The following PUDP variants were observed in gnomAD, a reference collection of about 807,000 sequenced individuals.
PUDP encodes pseudouridine-5'-phosphatase.
In PUDP, 8 loss-of-function variants were observed where a neutral mutation model predicts 9.4. The observed-to-expected ratio is 0.85, with a 90% CI of 0.50 to 1.53. PUDP has a LOEUF of 1.53. PUDP is among the 40% of genes most tolerant of loss of function. PUDP has a pLI of 0.00. For synonymous variants in PUDP, 99 were observed against 80.7 expected (o/e 1.23, Z -1.22); for missense variants, 188 against 189.7 (o/e 0.99, Z 0.05).
At chrX:6,824,669 C>T (rs758935150) in intron 3 of PUDP, among the ~76,000 whole-genome samples, 18 of 111,506 alleles carry the variant, frequency 1.6e-4, no homozygotes, top group Non-Finnish European at 3.0e-4. Flanking sequence ...ACCTTATTGT[C>T]GGGTTGGGTC....
At chrX:6,874,570 A>C (rs1359065392) in intron 3 of PUDP, among the ~76,000 whole-genome samples, 2 of 112,145 alleles carry the variant, frequency 1.8e-5, no homozygotes, top group Non-Finnish European at 3.8e-5. Context: ...TCAAACTGGG[A>C]AACTATAGGC....
At chrX:7,136,530 C>T (rs749295231) in intron 1 of PUDP, among the ~76,000 whole-genome samples, 269 of 112,491 alleles carry the variant, frequency 2.4e-3, no homozygotes, top group Non-Finnish European at 4.3e-3. Flanking sequence ...CCATTCTGTC[C>T]ATATTTATTA....
At chrX:6,928,996 G>C (rs890926169) in intron 3 of PUDP, among the ~76,000 whole-genome samples, 32 of 111,910 alleles carry the variant, frequency 2.9e-4, no homozygotes, top group African/African-American at 1.0e-3. Flanking sequence ...AGTTTGCAAA[G>C]CATGGTCCTA....
chrX:6,981,392 T>C (rs1929030715), intron 1 of PUDP, among the ~76,000 whole-genome samples: 1 of 111,965 alleles, frequency 8.9e-6, no homozygotes, highest in Non-Finnish European at 1.9e-5. Context: ...ACTTTCTCTA[T>C]ATACTTATTG....
In PUDP at chrX:7,075,471, C is replaced by T. The variant is rs192403652; in HGVS notation, c.510+1749G>A. Reference sequence around the variant, plus strand: ...AGTGAGCCGAGATCATGCCACTGCACTCCAACCTGGGCAACAGAACGAGAC... The same window carrying T: ...AGTGAGCCGAGATCATGCCACTGCATTCCAACCTGGGCAACAGAACGAGAC... On this transcript the variant is annotated intron_variant, in intron 3 of 3. Coordinates refer to ENST00000381077, the MANE Select transcript of PUDP (RefSeq NM_012080.5). 3.7e-4 allele frequency among the ~76,000 whole-genome samples: 41 copies of T among 110,966 alleles called. No homozygotes were observed. In the Middle Eastern group the frequency reaches 0.014, roughly 37 times the overall value.
At chrX:6,869,549 T>C (rs1237985099) in intron 3 of PUDP, among the ~76,000 whole-genome samples, 3 of 111,613 alleles carry the variant, frequency 2.7e-5, no homozygotes, top group South Asian at 3.8e-4. Flanking sequence ...CTGTGGTGAA[T>C]TGAAATTCCA....
intron 3 of PUDP, among the ~76,000 whole-genome samples, chrX:6,752,930 G>C (rs1468528608): frequency 1.8e-5 from 2 of 111,589 alleles, no homozygotes; most frequent in African/African-American, 6.5e-5. Context: ...TTAAATATAT[G>C]CATATAGATA....
intron 2 of PUDP, among the ~76,000 whole-genome samples, chrX:7,100,879 A>C (rs767219602): frequency 9.1e-4 from 102 of 112,290 alleles, no homozygotes; most frequent in African/African-American, 3.1e-3. Context: ...CTATACATTC[A>C]GTCCAACATT....
intron 3 of PUDP, among the ~76,000 whole-genome samples, chrX:6,754,568 TCA>T (rs1396104158): frequency 2.7e-5 from 3 of 109,318 alleles, no homozygotes; most frequent in African/African-American, 6.6e-5. Flanking sequence ...ACATATAAAA[TCA>T]CAGACTATTA....
chrX:6,780,137 T>C (rs751466326), intron 3 of PUDP, among the ~76,000 whole-genome samples: 1 of 109,872 alleles, frequency 9.1e-6, no homozygotes, highest in East Asian at 2.9e-4. Context: ...TATATATACA[T>C]ATTGTATATA....
intron 2 of PUDP, among the ~76,000 whole-genome samples, chrX:7,103,083 AT>A (rs1364323581): frequency 8.9e-6 from 1 of 111,911 alleles, no homozygotes; most frequent in Non-Finnish European, 1.9e-5. Flanking sequence ...CCTAAAATTC[AT>A]AAAAAATCTC....
chrX:6,885,782 A>G (rs1927412831), intron 3 of PUDP, among the ~76,000 whole-genome samples: 2 of 112,500 alleles, frequency 1.8e-5, no homozygotes, highest in African/African-American at 6.4e-5. Flanking sequence ...CATACATTGC[A>G]GAAAAAAGAA....
At chrX:7,029,027 C>G (rs748160553) in intron 1 of PUDP, among the ~76,000 whole-genome samples, 1 of 112,053 alleles carries the variant, frequency 8.9e-6, no homozygotes, top group East Asian at 2.8e-4. Flanking sequence ...CTTGTTTTAC[C>G]TTAATCCAAT....
At chrX:6,752,787 G>T (rs771868770) in intron 3 of PUDP, among the ~76,000 whole-genome samples, 5 of 111,488 alleles carry the variant, frequency 4.5e-5, no homozygotes, top group Non-Finnish European at 7.5e-5. Context: ...AGAGGGAAAA[G>T]ATATTATTAA....
chrX:7,027,314 G>A (rs780897364), intron 1 of PUDP, among the ~76,000 whole-genome samples: 15 of 111,070 alleles, frequency 1.4e-4, no homozygotes, highest in African/African-American at 3.9e-4. Context: ...GTTGGCTCAA[G>A]TGCTGCCTGC....
At chrX:7,042,370 G>A (rs151039039) in intron 1 of PUDP, among the ~76,000 whole-genome samples, 1,350 of 111,403 alleles carry the variant, frequency 0.012, 13 homozygotes, top group Non-Finnish European at 0.018. Flanking sequence ...AATTCATTTG[G>A]CATGCTCCAA....
At chrX:7,131,093 C>T (rs1166061164) in intron 1 of PUDP, among the ~76,000 whole-genome samples, 1 of 111,371 alleles carries the variant, frequency 9.0e-6, no homozygotes, top group African/African-American at 3.3e-5. Flanking sequence ...TTTCCTGAAA[C>T]TCAACATGTC....
intron 3 of PUDP, among the ~76,000 whole-genome samples, chrX:6,815,151 T>G (rs72609552): frequency 0.14 from 14,215 of 99,056 alleles, 896 homozygotes; most frequent in East Asian, 0.3. Context: ...AAAGGGTACC[T>G]AAATGATAAC....
intron 1 of PUDP, among the ~76,000 whole-genome samples, chrX:6,993,356 ATTAC>A (rs1929211341): frequency 8.9e-6 from 1 of 112,049 alleles, no homozygotes. Context: ...CCCTGGTATT[ATTAC>A]TTACAGAAAG....
Sources: gnomAD v4.1 joint callset for allele counts (sites outside exome capture counted in the v4.1 genomes callset) on GRCh38, gnomAD v4.1.1 for gene constraint, MANE v1.5 for transcripts, NCBI Gene and HGNC (gene_info 2026-07-23, HGNC 2026-07-21) for gene names.